Variants in ITGA4 observed in about 807,000 individuals in gnomAD.
The protein encoded by ITGA4 is integrin subunit alpha 4.
In ITGA4, 63 loss-of-function variants were observed where a neutral mutation model predicts 133.6. The observed-to-expected ratio is 0.47, with a 90% CI of 0.38 to 0.58. The LOEUF is 0.58. Among genes scored for constraint, ITGA4 ranks in the 20% least tolerant of loss-of-function variants. The pLI is 0.00. For synonymous variants in ITGA4, 483 were observed against 438.0 expected, an observed-to-expected ratio of 1.10 and a Z score of -1.28; for missense variants, 1,076 against 1,252.7, an observed-to-expected ratio of 0.86 and a Z score of 2.13.
rs1341345764 is a variant in ITGA4, at chr2:181,482,440, T to C, written c.903+18T>C. 1.2e-6 allele frequency: 2 copies of C among 1,613,290 alleles called. No homozygotes were observed. Among genetic ancestry groups the C allele is most frequent in the South Asian group, 2.2e-5 (2 of 91,010 alleles). On this transcript the variant is annotated intron_variant, in intron 8 of 27. Transcript: ENST00000397033. ...GTAAAAAGGTAATATGTCTCTACCTTTAGTATCTCTGTGGGCTTTTGCGAG... is the reference window on the plus strand; with the variant it reads ...GTAAAAAGGTAATATGTCTCTACCTCTAGTATCTCTGTGGGCTTTTGCGAG...
At chr2:181,494,247 C>T (rs1180449001) in intron 11 of ITGA4, among the ~76,000 whole-genome samples, 1 of 152,146 alleles carries the variant, frequency 6.6e-6, no homozygotes, top group Non-Finnish European at 1.5e-5. Flanking sequence ...TGATTATAGA[C>T]ATCTTGTTTT....
chr2:181,463,745 G>C (rs1428722562), intron 2 of ITGA4, among the ~76,000 whole-genome samples: 1 of 152,108 alleles, frequency 6.6e-6, no homozygotes, highest in Admixed American at 6.6e-5. Flanking sequence ...CCATGTATGG[G>C]TGTGGTAGAC....
chr2:181,525,143 TTC>T (rs1433792941), intron 20 of ITGA4, 57 bp from the exon 21 acceptor site: 8 of 957,254 alleles, frequency 8.4e-6, no homozygotes, highest in Non-Finnish European at 1.4e-5. Context: ...ATGTAATTAG[TTC>T]TCTCTGAAGA....
chr2:181,501,616 TG>T (rs1686272947), intron 15 of ITGA4, among the ~76,000 whole-genome samples: 1 of 152,086 alleles, frequency 6.6e-6, no homozygotes, highest in Admixed American at 6.6e-5. Flanking sequence ...AAGAAGTAGT[TG>T]AAGTCAATTT....
At chr2:181,459,081 T>C (rs1196238170) in intron 2 of ITGA4, 1 of 152,248 alleles carries the variant, frequency 6.6e-6, no homozygotes, top group African/African-American at 2.4e-5. Flanking sequence ...TTCCAAAGTG[T>C]TACTGCTATA....
chr2:181,479,717 G>T (rs1389934406), intron 5 of ITGA4: 2 of 152,030 alleles, frequency 1.3e-5, no homozygotes, highest in Non-Finnish European at 2.9e-5. Context: ...TATTAGTCAG[G>T]GGTTCTTTGC....
At chr2:181,486,136 T>A in intron 10 of ITGA4, 144 bp downstream of exon 10, 1 of 1,035,818 alleles carries the variant, frequency 9.7e-7, no homozygotes, top group Non-Finnish European at 1.3e-6. Context: ...TTCTTTAGTG[T>A]TATATATGAC....
intron 2 of ITGA4, among the ~76,000 whole-genome samples, chr2:181,466,623 A>G (rs1334896265): frequency 6.6e-6 from 1 of 152,166 alleles, no homozygotes; most frequent in African/African-American, 2.4e-5. Flanking sequence ...TAGAATTCAT[A>G]AACATCATTA....
At chr2:181,475,990 C>CT in intron 4 of ITGA4, 21 of 1,217,280 alleles carry the variant, frequency 1.7e-5, no homozygotes, top group Admixed American at 3.3e-5. Context: ...CACCCTCACT[C>CT]AAAAAAAATC....
chr2:181,533,074 G>T (rs1005699290), intron 25 of ITGA4, among the ~76,000 whole-genome samples: 1 of 152,062 alleles, frequency 6.6e-6, no homozygotes, highest in South Asian at 2.1e-4. Context: ...TAAAAATAAT[G>T]AAATATATCT....
intron 20 of ITGA4, 57 bp downstream of exon 20, chr2:181,524,307 G>C (rs927547903): frequency 2.1e-6 from 2 of 959,694 alleles, no homozygotes; most frequent in Non-Finnish European, 3.1e-6. Flanking sequence ...TCTGAGGGGG[G>C]GGAATTAGGA....
At chr2:181,488,957 T>C (rs1685983784) in intron 10 of ITGA4, among the ~76,000 whole-genome samples, 1 of 152,222 alleles carries the variant, frequency 6.6e-6, no homozygotes, top group African/African-American at 2.4e-5. Context: ...AGGGCCAGTG[T>C]GTCCTAGTTC....
intron 24 of ITGA4, 137 bp from the exon 25 acceptor site, chr2:181,531,520 A>C: frequency 2.6e-6 from 1 of 377,656 alleles, no homozygotes; most frequent in Non-Finnish European, 4.7e-6. Context: ...TAAGGAAAGC[A>C]GATGTTTAAT....
chr2:181,525,354 C>T (rs1686811531), intron 21 of ITGA4, 63 bp downstream of exon 21: 1 of 848,764 alleles, frequency 1.2e-6, no homozygotes, highest in Non-Finnish European at 1.9e-6. Context: ...TTGCTTCTTA[C>T]ATTAATGAAA....
At chr2:181,513,575 G>A (rs1411734183) in intron 17 of ITGA4, among the ~76,000 whole-genome samples, 1 of 152,000 alleles carries the variant, frequency 6.6e-6, no homozygotes, top group African/African-American at 2.4e-5. Context: ...CTGCTTTCTA[G>A]GATACTGGCC....
intron 17 of ITGA4, among the ~76,000 whole-genome samples, chr2:181,514,378 G>C (rs1323343411): frequency 1.3e-5 from 2 of 152,026 alleles, no homozygotes; most frequent in Admixed American, 6.6e-5. Context: ...TTTTCACTTA[G>C]GCAATGTCAG....
intron 11 of ITGA4, among the ~76,000 whole-genome samples, chr2:181,494,027 G>T (rs1247770955): frequency 1.3e-5 from 2 of 152,174 alleles, no homozygotes; most frequent in Non-Finnish European, 2.9e-5. Context: ...TTAGAAAAAT[G>T]AGCAAATGGT....
intron 11 of ITGA4, among the ~76,000 whole-genome samples, chr2:181,493,649 A>G (rs1206584292): frequency 6.6e-6 from 1 of 152,212 alleles, no homozygotes; most frequent in African/African-American, 2.4e-5. Flanking sequence ...TAGCTTGTCT[A>G]TAGCCCATTA....
At chr2:181,525,178 A>G (rs756813207) in intron 20 of ITGA4, 24 bp from the exon 21 acceptor site, 1 of 1,354,188 alleles carries the variant, frequency 7.4e-7, no homozygotes, top group South Asian at 1.2e-5. Flanking sequence ...GTGAATTCTA[A>G]CAGGGTGTTT....
Sources: allele counts gnomAD v4.1 joint callset (sites outside exome capture counted in the v4.1 genomes callset), GRCh38; gene constraint gnomAD v4.1.1; transcripts MANE v1.5; gene names NCBI Gene and HGNC (gene_info 2026-07-23, HGNC 2026-07-21).